CARF: variants seen among roughly 807,000 people sequenced by gnomAD.
CARF encodes the protein calcium responsive transcription factor.
In CARF, 57 loss-of-function variants were observed where a neutral mutation model predicts 82.0. The observed-to-expected ratio is 0.70, with a 90% CI of 0.56 to 0.87. The LOEUF is 0.87. Ranked by LOEUF, CARF falls within the 40% of genes least tolerant of loss-of-function variation. The probability of loss-of-function intolerance (pLI) is 0.00; values close to 1 mark genes in which losing one functional copy is unlikely to be tolerated. For missense variants in CARF, 771 were observed against 855.8 expected, an observed-to-expected ratio of 0.90 and a Z score of 1.24; for synonymous variants, 268 against 290.1, an observed-to-expected ratio of 0.92 and a Z score of 0.77.
At position 202,986,206 on chromosome 2, in the gene CARF, C is replaced by G. The variant is rs558131822; in HGVS notation, c.*2582C>G. The G allele has an allele frequency of 6.6e-6, 1 of 152,212 alleles. No individual in the cohort carries two copies. Among genetic ancestry groups the G allele is most frequent in the East Asian group, 1.9e-4 (1 of 5,190 alleles). 9.4% of individuals were successfully genotyped at this position (152,212 alleles called of 1,614,324 possible). On this transcript the variant is annotated 3_prime_UTR_variant, in exon 17 of 17. Transcript: ENST00000438828. ...TTAGATTTTAAAAATTCATTGTCAT[C>G]TAAATGCATGTTTAGTCACAATGTA...
intron 3 of CARF, among the ~76,000 whole-genome samples, chr2:202,939,093 T>C (rs1471700983): frequency 1.3e-5 from 2 of 152,336 alleles, no homozygotes; most frequent in East Asian, 1.9e-4. Flanking sequence ...CTTTAGAATG[T>C]TGCACGTTCA....
chr2:202,958,630 G>C (rs923270290), intron 8 of CARF, among the ~76,000 whole-genome samples: 7 of 151,978 alleles, frequency 4.6e-5, no homozygotes, highest in African/African-American at 1.7e-4. Flanking sequence ...TTTTTGAGTT[G>C]GCTGGGTGCG....
At chr2:202,937,197 A>G (rs1333881265) in intron 3 of CARF, among the ~76,000 whole-genome samples, 1 of 152,068 alleles carries the variant, frequency 6.6e-6, no homozygotes, top group Non-Finnish European at 1.5e-5. Flanking sequence ...ATAGATTTTG[A>G]TATATTGTGC....
intron 3 of CARF, chr2:202,938,371 G>A (rs1333653131): frequency 6.6e-6 from 1 of 152,170 alleles, no homozygotes; most frequent in Non-Finnish European, 1.5e-5. Context: ...TCGTGCCTTA[G>A]TCACTTGAGG....
intron 8 of CARF, among the ~76,000 whole-genome samples, chr2:202,960,199 A>G (rs1489481826): frequency 6.6e-6 from 1 of 152,196 alleles, no homozygotes; most frequent in Non-Finnish European, 1.5e-5. Flanking sequence ...ATAAAAGCAA[A>G]CCATTAACTA....
At chr2:202,956,041 CT>C (rs1174126533) in intron 8 of CARF, among the ~76,000 whole-genome samples, 2 of 151,776 alleles carry the variant, frequency 1.3e-5, no homozygotes, top group African/African-American at 4.8e-5. Context: ...CTACTATTTA[CT>C]TTTCAACCAT....
At chr2:202,914,384 C>G (rs1689201760) in intron 1 of CARF, among the ~76,000 whole-genome samples, 1 of 152,020 alleles carries the variant, frequency 6.6e-6, no homozygotes, top group African/African-American at 2.4e-5. Context: ...GATTATGGAT[C>G]CAAGCCTAAT....
intron 8 of CARF, among the ~76,000 whole-genome samples, chr2:202,959,727 T>G (rs921748453): frequency 1.3e-5 from 2 of 151,756 alleles, no homozygotes; most frequent in Non-Finnish European, 2.9e-5. Flanking sequence ...GAGAATCATC[T>G]GAACCCGGGA....
At chr2:202,963,506 G>A (rs938628563) in intron 9 of CARF, among the ~76,000 whole-genome samples, 15 of 152,176 alleles carry the variant, frequency 9.9e-5, no homozygotes, top group African/African-American at 3.4e-4. Flanking sequence ...GACTGGTTTT[G>A]TGGAAGACAG....
chr2:202,959,836 A>T (rs1032527295), intron 8 of CARF, among the ~76,000 whole-genome samples: 3 of 152,070 alleles, frequency 2.0e-5, no homozygotes, highest in East Asian at 3.9e-4. Context: ...AAAAGAAAAG[A>T]AAAAGTTTCT....
chr2:202,958,649 C>T (rs1490457759), intron 8 of CARF, among the ~76,000 whole-genome samples: 4 of 151,976 alleles, frequency 2.6e-5, no homozygotes, highest in South Asian at 2.1e-4. Context: ...CGGTGGCTCA[C>T]GTCTGTCAGT....
intron 3 of CARF, among the ~76,000 whole-genome samples, chr2:202,928,847 T>C (rs1659178885): frequency 6.6e-6 from 1 of 152,106 alleles, no homozygotes; most frequent in Non-Finnish European, 1.5e-5. Context: ...TCTCCCGGGC[T>C]TAGGTGCGAG....
At position 202,913,358 on chromosome 2, in the gene CARF, C is replaced by T. The variant is rs1171106333; in HGVS notation, c.-330+256C>T. ...GAATTCCTGGGTTCAAATCCTGCCT[C>T]TGCTACTTGATTAACCTTTTTGTGC... On this transcript the variant is annotated intron_variant, in intron 1 of 16. Coordinates refer to ENST00000438828, the MANE Select transcript of CARF (RefSeq NM_024744.17). Among the ~76,000 whole-genome samples, 3 of 152,222 alleles carry T rather than the reference C, an allele frequency of 2.0e-5. 1 individual carries two copies. The highest frequency in any genetic ancestry group is 1.3e-4 in the Admixed American group (2 of 15,280).
At chr2:202,919,907 G>T (rs1690467355) in intron 2 of CARF, among the ~76,000 whole-genome samples, 1 of 151,766 alleles carries the variant, frequency 6.6e-6, no homozygotes, top group Admixed American at 6.6e-5. Context: ...TCACAGCATT[G>T]TCAAAAGGGT....
At chr2:202,971,415 C>A in intron 11 of CARF, 90 bp from the exon 12 acceptor site, 1 of 692,114 alleles carries the variant, frequency 1.4e-6, no homozygotes, top group Non-Finnish European at 2.3e-6. Flanking sequence ...GAGTATTAAC[C>A]TAAGTAATTA....
chr2:202,972,860 AC>A (rs1170262220), intron 12 of CARF, among the ~76,000 whole-genome samples: 4 of 152,090 alleles, frequency 2.6e-5, no homozygotes, highest in South Asian at 4.1e-4. Flanking sequence ...GTTCTCGAAA[AC>A]TGCTACTTTA....
At chr2:202,931,722 C>T (rs1013008423) in intron 3 of CARF, among the ~76,000 whole-genome samples, 5 of 152,118 alleles carry the variant, frequency 3.3e-5, no homozygotes, top group African/African-American at 7.2e-5. Flanking sequence ...CTGCATTCAA[C>T]GTCAGCAATA....
At chr2:202,954,496 C>T (rs1308557013) in intron 7 of CARF, among the ~76,000 whole-genome samples, 2 of 151,968 alleles carry the variant, frequency 1.3e-5, no homozygotes, top group African/African-American at 4.8e-5. Flanking sequence ...AGGTAGATCA[C>T]GAGGTCAGGA....
chr2:202,978,928 T>C (rs1243054821), intron 14 of CARF, among the ~76,000 whole-genome samples: 1 of 152,014 alleles, frequency 6.6e-6, no homozygotes, highest in Admixed American at 6.6e-5. Context: ...TGAAGAACAA[T>C]TGTAGTGAAA....
Sources: gnomAD v4.1 joint callset for allele counts (sites outside exome capture counted in the v4.1 genomes callset) on GRCh38, gnomAD v4.1.1 for gene constraint, MANE v1.5 for transcripts, NCBI Gene and HGNC (gene_info 2026-07-23, HGNC 2026-07-21) for gene names.